BBX: variants seen among roughly 807,000 people sequenced by gnomAD.
The protein encoded by BBX is HMG box transcription factor BBX.
In BBX, 30 loss-of-function variants were observed where a neutral mutation model predicts 100.2. The ratio of observed to expected loss-of-function variants is 0.30; its 90% CI spans 0.22 to 0.41. The LOEUF (loss-of-function observed/expected upper bound fraction) is 0.41. Among genes scored for constraint, BBX ranks in the 10% least tolerant of loss-of-function variants. The pLI is 1.00. For synonymous variants in BBX, 376 were observed against 388.1 expected (o/e 0.97, Z 0.37); for missense variants, 1,023 against 1,129.8 (o/e 0.91, Z 1.35).
chr3:107,624,456 A>T (rs2107701971), intron 2 of BBX, among the ~76,000 whole-genome samples: 1 of 152,368 alleles, frequency 6.6e-6, no homozygotes, highest in Non-Finnish European at 1.5e-5. Context: ...TATACAGTGT[A>T]TGAAAAGTTA....
intron 2 of BBX, among the ~76,000 whole-genome samples, chr3:107,587,180 C>CA (rs2052915635): frequency 6.6e-6 from 1 of 151,750 alleles, no homozygotes; most frequent in African/African-American, 2.4e-5. Context: ...ACTAAACATA[C>CA]AAAAAAATTA....
intron 2 of BBX, among the ~76,000 whole-genome samples, chr3:107,626,489 T>C (rs1454403158): frequency 6.6e-6 from 1 of 152,180 alleles, no homozygotes. Flanking sequence ...GCTCAGGGTA[T>C]CTCATGAAGT....
chr3:107,587,466 C>A (rs761118474), intron 2 of BBX, among the ~76,000 whole-genome samples: 2 of 151,642 alleles, frequency 1.3e-5, no homozygotes, highest in African/African-American at 2.4e-5. Flanking sequence ...AATTGCTGTT[C>A]TCACAATTCC....
At chr3:107,744,435 C>T (rs1660741004) in intron 7 of BBX, among the ~76,000 whole-genome samples, 195 bp from the exon 8 acceptor site, 1 of 152,034 alleles carries the variant, frequency 6.6e-6, no homozygotes, top group African/African-American at 2.4e-5. Flanking sequence ...TGTCACAAAG[C>T]AAATGCAAAA....
chr3:107,798,406 C>A, intron 15 of BBX, 117 bp from the exon 16 acceptor site: 1 of 936,952 alleles, frequency 1.1e-6, no homozygotes, highest in Non-Finnish European at 1.6e-6. Flanking sequence ...ACTTTGAAAA[C>A]TCTGAGTGTA....
At chr3:107,568,618 A>AT (rs1297199730) in intron 2 of BBX, among the ~76,000 whole-genome samples, 1 of 152,106 alleles carries the variant, frequency 6.6e-6, no homozygotes, top group African/African-American at 2.4e-5. Flanking sequence ...ACCTCTTGGA[A>AT]TTGCCAACAG....
chr3:107,687,279 A>C (rs1308329535), intron 3 of BBX, among the ~76,000 whole-genome samples: 1 of 152,124 alleles, frequency 6.6e-6, no homozygotes, highest in Non-Finnish European at 1.5e-5. Flanking sequence ...AGTGAGACAA[A>C]TATACAAAAC....
At chr3:107,581,326 T>A (rs986405051) in intron 2 of BBX, among the ~76,000 whole-genome samples, 16 of 152,146 alleles carry the variant, frequency 1.1e-4, no homozygotes, top group Admixed American at 1.0e-3. Context: ...CCCTGTGTCC[T>A]AGGAAGGAAA....
chr3:107,528,195 G>C (rs2047911620), intron 2 of BBX, among the ~76,000 whole-genome samples: 1 of 152,160 alleles, frequency 6.6e-6, no homozygotes, highest in Non-Finnish European at 1.5e-5. Context: ...CATCTAAAAT[G>C]TATCTATTAG....
intron 3 of BBX, among the ~76,000 whole-genome samples, chr3:107,679,886 C>G (rs1414871311): frequency 6.6e-6 from 1 of 152,158 alleles, no homozygotes; most frequent in Non-Finnish European, 1.5e-5. Context: ...TGTTACTTAA[C>G]CCTTGTTGTC....
intron 3 of BBX, among the ~76,000 whole-genome samples, chr3:107,682,582 CAT>C (rs1362659133): frequency 6.6e-6 from 1 of 152,100 alleles, no homozygotes; most frequent in Non-Finnish European, 1.5e-5. Flanking sequence ...GATTCCATAA[CAT>C]TGGTTAATAA....
chr3:107,760,702 G>A (rs760345208), intron 10 of BBX, among the ~76,000 whole-genome samples: 1 of 12,136 alleles, frequency 8.2e-5, no homozygotes, highest in African/African-American at 1.9e-4. Flanking sequence ...TGGAGACCAA[G>A]CACAGGGGAA....
intron 10 of BBX, among the ~76,000 whole-genome samples, chr3:107,762,876 G>GA (rs752310507): frequency 1.4e-4 from 22 of 152,282 alleles, no homozygotes; most frequent in Non-Finnish European, 1.6e-4. Flanking sequence ...AAATGGTGTA[G>GA]AATCCAATAC....
intron 2 of BBX, among the ~76,000 whole-genome samples, chr3:107,628,815 A>G (rs1178393797): frequency 6.6e-6 from 1 of 152,020 alleles, no homozygotes; most frequent in African/African-American, 2.4e-5. Flanking sequence ...GTTTTTCTTT[A>G]TTAAAATAAA....
At chr3:107,804,316 A>G (rs1202042107) in intron 17 of BBX, among the ~76,000 whole-genome samples, 2 of 152,212 alleles carry the variant, frequency 1.3e-5, no homozygotes, top group Non-Finnish European at 2.9e-5. Flanking sequence ...TGTACTCTGA[A>G]GAAGATACGA....
intron 2 of BBX, among the ~76,000 whole-genome samples, chr3:107,625,117 TTC>T (rs1441591774): frequency 2.0e-5 from 3 of 152,338 alleles, no homozygotes; most frequent in African/African-American, 7.2e-5. Context: ...TAGCTTTTTG[TTC>T]TCTTTCTGAG....
intron 12 of BBX, among the ~76,000 whole-genome samples, chr3:107,777,517 C>G (rs1463392563): frequency 6.6e-6 from 1 of 152,180 alleles, no homozygotes; most frequent in Non-Finnish European, 1.5e-5. Flanking sequence ...AGTTGTCCTA[C>G]AGCCTCTTCC....
Position 107,808,157 on chromosome 3 carries a change from A to C in BBX, c.*2700A>C, listed in dbSNP as rs537530986. 2 of 152,236 alleles carry C rather than the reference A, an allele frequency of 1.3e-5. No homozygotes were observed. Among genetic ancestry groups the C allele is most frequent in the East Asian group, 3.9e-4 (2 of 5,184 alleles). 9.4% of individuals were successfully genotyped at this position (152,236 alleles called of 1,614,324 possible). A position where few individuals can be genotyped will look rare whatever the true frequency, so the allele number is the denominator to read the frequency against. On this transcript the variant is annotated 3_prime_UTR_variant, in exon 18 of 18. Transcript: ENST00000325805. The stretch of plus-strand genomic sequence containing the variant: ...TCATTCTTTTTTATTTTGGAAAATC[A>C]TATTGCTATAGTGTGTACTTTAATC...
At chr3:107,781,452 C>A (rs1380006192) in intron 13 of BBX, among the ~76,000 whole-genome samples, 1 of 152,100 alleles carries the variant, frequency 6.6e-6, no homozygotes, top group Non-Finnish European at 1.5e-5. Flanking sequence ...ATCTAACTCA[C>A]AATGCAATTC....
Sources: allele counts gnomAD v4.1 joint callset (sites outside exome capture counted in the v4.1 genomes callset), GRCh38; gene constraint gnomAD v4.1.1; transcripts MANE v1.5; gene names NCBI Gene and HGNC (gene_info 2026-07-23, HGNC 2026-07-21).